The following MED13L variants were observed in gnomAD, a reference collection of about 807,000 sequenced individuals.
MED13L encodes the protein mediator of RNA polymerase II transcription subunit 13-like.
A neutral mutation model predicts 220.9 loss-of-function variants in MED13L; 7 were observed. The observed-to-expected ratio is 0.03, with a 90% CI of 0.02 to 0.06. MED13L has a LOEUF of 0.06. Ranked by LOEUF, MED13L falls within the 10% of genes least tolerant of loss-of-function variation. The pLI, the probability that MED13L is intolerant of heterozygous loss-of-function variation, is 1.00. For missense variants in MED13L, 1,965 were observed against 2,760.5 expected, an observed-to-expected ratio of 0.71 and a Z score of 6.46; for synonymous variants, 1,011 against 1,015.2, an observed-to-expected ratio of 1.00 and a Z score of 0.08.
chr12:116,057,729 A>G (rs886409532), intron 4 of MED13L, among the ~76,000 whole-genome samples: 3 of 151,936 alleles, frequency 2.0e-5, no homozygotes, highest in East Asian at 1.9e-4. Context: ...GCAAAATTTG[A>G]TGGTTTCCTT....
At chr12:116,039,661 G>A (rs545475567) in intron 4 of MED13L, among the ~76,000 whole-genome samples, 1 of 152,216 alleles carries the variant, frequency 6.6e-6, no homozygotes, top group Admixed American at 6.5e-5. Flanking sequence ...TCATTATGAA[G>A]GAGTTAAAAG....
chr12:116,011,644 G>A (rs1222746254), intron 9 of MED13L, among the ~76,000 whole-genome samples: 1 of 152,206 alleles, frequency 6.6e-6, no homozygotes, highest in African/African-American at 2.4e-5. Context: ...AGAGACAAGA[G>A]TAAAGTAGGT....
intron 4 of MED13L, among the ~76,000 whole-genome samples, chr12:116,028,085 C>T (rs1040411098): frequency 5.3e-5 from 8 of 152,234 alleles, no homozygotes; most frequent in East Asian, 1.9e-4. Context: ...TCTAAATGCA[C>T]GACTGGAATT....
chr12:116,146,410 G>A (rs548811512), intron 2 of MED13L, among the ~76,000 whole-genome samples: 3 of 151,248 alleles, frequency 2.0e-5, no homozygotes, highest in East Asian at 1.9e-4. Context: ...GTGAGCCACC[G>A]CACCCAGCTG....
chr12:115,965,635 G>A (rs1876100228), intron 29 of MED13L, among the ~76,000 whole-genome samples: 1 of 152,192 alleles, frequency 6.6e-6, no homozygotes, highest in Admixed American at 6.5e-5. Flanking sequence ...TATAAAGGAA[G>A]GAGCAAGTGT....
chr12:115,967,941 C>CA (rs1335797629), intron 28 of MED13L, among the ~76,000 whole-genome samples: 1 of 151,142 alleles, frequency 6.6e-6, no homozygotes, highest in African/African-American at 2.4e-5. Flanking sequence ...GCAGGTATAA[C>CA]ATGGGAACAG....
At chr12:116,243,637 G>C (rs924828715) in intron 1 of MED13L, among the ~76,000 whole-genome samples, 2 of 151,828 alleles carry the variant, frequency 1.3e-5, no homozygotes, top group Non-Finnish European at 2.9e-5. Flanking sequence ...GTGACCAACA[G>C]CACATACTTG....
chr12:115,965,719 A>G (rs922387205), intron 29 of MED13L, among the ~76,000 whole-genome samples: 11 of 152,214 alleles, frequency 7.2e-5, no homozygotes, highest in East Asian at 3.9e-4. Flanking sequence ...CAGGGGAAGA[A>G]GAGGATGGCT....
chr12:116,146,191 C>T (rs746906295), intron 2 of MED13L, among the ~76,000 whole-genome samples: 4 of 152,094 alleles, frequency 2.6e-5, no homozygotes, highest in Non-Finnish European at 5.9e-5. Context: ...GGCGCAATCT[C>T]GGTTCACTGC....
In MED13L at chr12:116,111,580, T is replaced by C. The variant is rs1018540102; in HGVS notation, c.311-68A>G. 5.3e-5 allele frequency: 66 copies of C among 1,241,900 alleles called. 1 individual carries two copies. Among genetic ancestry groups the C allele is most frequent in the Non-Finnish European group, 7.5e-5 (66 of 881,098 alleles). The allele number at this position is 1,241,900 out of a possible 1,614,324, so 76.9% of individuals were successfully genotyped here. A position where few individuals can be genotyped will look rare whatever the true frequency, so the allele number is the denominator to read the frequency against. On this transcript the variant is annotated intron_variant, in intron 2 of 30. Transcript: ENST00000281928. Reference sequence around the variant, plus strand: ...AGGACATCCAAATAAAAAGAAACTTTTAAAACATTTTTCTAAAGCAAAGTT... The same window carrying C: ...AGGACATCCAAATAAAAAGAAACTTCTAAAACATTTTTCTAAAGCAAAGTT...
intron 11 of MED13L, 152 bp downstream of exon 11, chr12:116,007,259 T>C (rs960476058): frequency 2.7e-6 from 2 of 744,056 alleles, no homozygotes; most frequent in Non-Finnish European, 4.7e-6. Context: ...AATACGCTGT[T>C]CAATACAATA....
chr12:116,065,541 G>C (rs1869853928), intron 4 of MED13L, among the ~76,000 whole-genome samples: 1 of 152,120 alleles, frequency 6.6e-6, no homozygotes, highest in Non-Finnish European at 1.5e-5. Context: ...ATTACATGTA[G>C]ACCATTTAAT....
chr12:116,269,008 G>T (rs149174371), intron 1 of MED13L, among the ~76,000 whole-genome samples: 1 of 152,214 alleles, frequency 6.6e-6, no homozygotes, highest in East Asian at 1.9e-4. Context: ...AGGTAAACAT[G>T]TGCCATGGTG....
At chr12:116,173,456 G>T (rs745677045) in intron 2 of MED13L, among the ~76,000 whole-genome samples, 4 of 152,106 alleles carry the variant, frequency 2.6e-5, no homozygotes, top group Non-Finnish European at 5.9e-5. Context: ...ATAAGGCACA[G>T]GACTGTCTTA....
At chr12:116,112,664 T>G (rs1206755442) in intron 2 of MED13L, among the ~76,000 whole-genome samples, 1 of 152,218 alleles carries the variant, frequency 6.6e-6, no homozygotes, top group Non-Finnish European at 1.5e-5. Flanking sequence ...ATGATATTTA[T>G]AGCAAGAGAA....
rs142352605 is a variant in MED13L, at chr12:116,041,571, G to A, written c.480-18970C>T. On this transcript the variant is annotated intron_variant, in intron 4 of 30. Coordinates refer to ENST00000281928, the MANE Select transcript of MED13L (RefSeq NM_015335.5). Reference sequence around the variant, plus strand: ...AAGTAAAACATATGCAAGGCTGGGCGCGGTGGCTCATGCCTGCAATCCCAG... The same window carrying A: ...AAGTAAAACATATGCAAGGCTGGGCACGGTGGCTCATGCCTGCAATCCCAG... Among the ~76,000 whole-genome samples the A allele has an allele frequency of 6.2e-3, 951 of 152,318 alleles. 13 individuals carry two copies. Among genetic ancestry groups the A allele is most frequent in the African/African-American group, 0.022 (897 of 41,562 alleles).
chr12:115,968,300 T>C (rs1471488389), intron 28 of MED13L, among the ~76,000 whole-genome samples: 2 of 152,208 alleles, frequency 1.3e-5, no homozygotes, highest in Admixed American at 1.3e-4. Flanking sequence ...TTAAATCTTC[T>C]GTTGTTCATC....
At chr12:116,059,176 T>C (rs1393330349) in intron 4 of MED13L, among the ~76,000 whole-genome samples, 1 of 152,152 alleles carries the variant, frequency 6.6e-6, no homozygotes, top group African/African-American at 2.4e-5. Flanking sequence ...CAAGCAATCC[T>C]CCCACCTGAG....
chr12:116,119,826 AAAAAAAAAAAAAAT>A (rs1169435881), intron 2 of MED13L, among the ~76,000 whole-genome samples: 23 of 116,838 alleles, frequency 2.0e-4, no homozygotes, highest in African/African-American at 6.2e-4. Context: ...AAAAAAAAAA[AAAAAAAAAAAAAAT>A]ATATATATAT....
Sources: allele counts gnomAD v4.1 joint callset (sites outside exome capture counted in the v4.1 genomes callset), GRCh38; gene constraint gnomAD v4.1.1; transcripts MANE v1.5; gene names NCBI Gene and HGNC (gene_info 2026-07-23, HGNC 2026-07-21).